The following MRAP2 variants were observed in gnomAD, a reference collection of about 807,000 sequenced individuals.
MRAP2 encodes the protein melanocortin-2 receptor accessory protein 2.
In MRAP2, 20 loss-of-function variants were observed where a neutral mutation model predicts 17.4. The observed-to-expected ratio is 1.15, with a 90% confidence interval of 0.81 to 1.67. The LOEUF (loss-of-function observed/expected upper bound fraction) is 1.67, where lower values mean the gene tolerates loss of function less well. Among genes scored for constraint, MRAP2 ranks in the 40% most tolerant of loss-of-function variants. MRAP2 has a pLI of 0.00. For missense variants in MRAP2, 238 were observed against 240.0 expected, an observed-to-expected ratio of 0.99 and a Z score of 0.05; for synonymous variants, 96 against 88.4, an observed-to-expected ratio of 1.09 and a Z score of -0.48.
At chr6:84,068,454 GA>G (rs1452879028) in intron 3 of MRAP2, among the ~76,000 whole-genome samples, 1 of 152,156 alleles carries the variant, frequency 6.6e-6, no homozygotes, top group Non-Finnish European at 1.5e-5. Context: ...AGATTGCATT[GA>G]ATTTGTAGAT....
chr6:84,059,732 A>G (rs147827340), intron 2 of MRAP2, among the ~76,000 whole-genome samples: 50 of 152,318 alleles, frequency 3.3e-4, no homozygotes, highest in African/African-American at 1.2e-3. Context: ...CTCAGTGTCT[A>G]GACAGGACAG....
At chr6:84,044,166 C>T (rs1193951689) in intron 1 of MRAP2, among the ~76,000 whole-genome samples, 1 of 152,108 alleles carries the variant, frequency 6.6e-6, no homozygotes, top group African/African-American at 2.4e-5. Flanking sequence ...GACTGGGTAG[C>T]TTAACCTGCA....
At chr6:84,130,030 G>A in the MRAP2 span, among the ~76,000 whole-genome samples, 47 of 152,236 alleles carry the variant, frequency 3.1e-4, no homozygotes, top group East Asian at 1.4e-3. Flanking sequence ...TTTGTGATAC[G>A]TTCCATCAAT....
the MRAP2 span, among the ~76,000 whole-genome samples, chr6:84,128,678 T>A: frequency 6.6e-6 from 1 of 152,118 alleles, no homozygotes; most frequent in Non-Finnish European, 1.5e-5. Flanking sequence ...TTTGCACAGT[T>A]CCTAGTAAAC....
the MRAP2 span, among the ~76,000 whole-genome samples, chr6:84,130,547 T>A: frequency 6.6e-6 from 1 of 152,316 alleles, no homozygotes; most frequent in Middle Eastern, 3.4e-3. Context: ...TTGTTATTGG[T>A]CTATTCAGGG....
Position 84,079,349 on chromosome 6 carries a change from C to A in MRAP2, c.228-9742C>A, listed in dbSNP as rs79274546. On this transcript the variant is annotated intron_variant, in intron 3 of 3. Transcript: ENST00000257776. ...TATATAAATTTCAAGAACAGGCTAA[C>A]CTAGTCTGTGGAAATAGAAATCAGA... Among the ~76,000 whole-genome samples the A allele has an allele frequency of 9.4e-3, 1,425 of 152,174 alleles. 29 individuals carry two copies. Among genetic ancestry groups the A allele is most frequent in the African/African-American group, 0.032 (1,315 of 41,512 alleles).
chr6:84,131,032 T>C, the MRAP2 span, among the ~76,000 whole-genome samples: 2 of 152,368 alleles, frequency 1.3e-5, no homozygotes, highest in East Asian at 3.9e-4. Flanking sequence ...TTTAAATGTG[T>C]CCCAGAGATT....
upstream of MRAP2, among the ~76,000 whole-genome samples, chr6:84,033,494 C>T (rs58861368): frequency 0.011 from 1,613 of 152,318 alleles, 30 homozygotes; most frequent in African/African-American, 0.037. Context: ...CTAATGAGCT[C>T]CTCCTGTTAC....
the MRAP2 span, among the ~76,000 whole-genome samples, chr6:84,109,644 C>A: frequency 6.6e-6 from 1 of 152,000 alleles, no homozygotes; most frequent in Non-Finnish European, 1.5e-5. Flanking sequence ...GGTACATGTG[C>A]AGAACATGCA....
chr6:84,081,057 T>G (rs78716157), intron 3 of MRAP2, among the ~76,000 whole-genome samples: 1,642 of 152,302 alleles, frequency 0.011, 33 homozygotes, highest in African/African-American at 0.038. Context: ...TGAATTAAAG[T>G]AGAGCAGACA....
chr6:84,130,415 T>C, the MRAP2 span, among the ~76,000 whole-genome samples: 2 of 152,210 alleles, frequency 1.3e-5, no homozygotes, highest in Non-Finnish European at 2.9e-5. Context: ...TTGTGTGGAA[T>C]AGTTTCAGAA....
chr6:84,111,615 C>T, the MRAP2 span, among the ~76,000 whole-genome samples: 2 of 152,150 alleles, frequency 1.3e-5, no homozygotes, highest in Non-Finnish European at 2.9e-5. Context: ...TGCCTAATTG[C>T]CCTGGCCCAA....
chr6:84,142,459 C>T, the MRAP2 span, among the ~76,000 whole-genome samples: 39 of 151,920 alleles, frequency 2.6e-4, no homozygotes, highest in East Asian at 5.0e-3. Flanking sequence ...ACGGTATTGT[C>T]AAAAGTAATT....
chr6:84,051,364 C>A (rs574491464), intron 1 of MRAP2, among the ~76,000 whole-genome samples: 1 of 152,294 alleles, frequency 6.6e-6, no homozygotes, highest in African/African-American at 2.4e-5. Flanking sequence ...GTAGACCAGC[C>A]TGGCCAGCAT....
intron 3 of MRAP2, among the ~76,000 whole-genome samples, chr6:84,064,632 C>T (rs551897538): frequency 3.8e-4 from 58 of 152,264 alleles, no homozygotes; most frequent in African/African-American, 1.3e-3. Context: ...GGACTACAGG[C>T]ACCCACCACC....
chr6:84,112,367 CTTG>C, the MRAP2 span, among the ~76,000 whole-genome samples: 2 of 152,162 alleles, frequency 1.3e-5, no homozygotes, highest in African/African-American at 4.8e-5. Flanking sequence ...TCCATTTCTT[CTTG>C]ATTTTCTAGT....
At chr6:84,094,663 G>A (rs1348105209), downstream of MRAP2, among the ~76,000 whole-genome samples, 1 of 151,798 alleles carries the variant, frequency 6.6e-6, no homozygotes, top group Non-Finnish European at 1.5e-5. Context: ...TCTACCAATA[G>A]TCTGTTCATG....
At chr6:84,060,063 G>A (rs544329972) in intron 2 of MRAP2, among the ~76,000 whole-genome samples, 9 of 152,272 alleles carry the variant, frequency 5.9e-5, no homozygotes, top group African/African-American at 2.2e-4. Flanking sequence ...ATGAGGTTGG[G>A]GGAAATTAGT....
At chr6:84,068,007 A>G (rs1210009715) in intron 3 of MRAP2, among the ~76,000 whole-genome samples, 2 of 152,120 alleles carry the variant, frequency 1.3e-5, no homozygotes. Flanking sequence ...ATCTTCTAGA[A>G]TTTTTACAGT....
Sources: allele counts gnomAD v4.1 joint callset (sites outside exome capture counted in the v4.1 genomes callset), GRCh38; gene constraint gnomAD v4.1.1; transcripts MANE v1.5; gene names NCBI Gene and HGNC (gene_info 2026-07-23, HGNC 2026-07-21).